KCNE1: variants seen among roughly 807,000 people sequenced by gnomAD.
The protein encoded by KCNE1 is potassium voltage-gated channel subfamily E member 1.
Under a neutral mutation model 2.9 loss-of-function variants are expected in KCNE1, and 1 was observed. The observed-to-expected ratio is 0.34, with a 90% CI of 0.12 to 1.62. The LOEUF is 1.62. Ranked by LOEUF, KCNE1 falls within the 40% of genes most tolerant of loss-of-function variation. The pLI, the probability that KCNE1 is intolerant of heterozygous loss-of-function variation, is 0.36. For missense variants in KCNE1, 45 were observed against 150.5 expected (o/e 0.30, Z 3.67); for synonymous variants, 23 against 65.4 (o/e 0.35, Z 3.13).
intron 2 of KCNE1, among the ~76,000 whole-genome samples, chr21:34,508,071 C>T (rs565057391): frequency 3.0e-4 from 45 of 151,866 alleles, no homozygotes; most frequent in Non-Finnish European, 4.3e-4. Context: ...CTGTGGTCCA[C>T]GCTGGAGTGC....
chr21:34,499,538 G>A (rs565765413), intron 2 of KCNE1, among the ~76,000 whole-genome samples: 131 of 152,364 alleles, frequency 8.6e-4, no homozygotes, highest in Middle Eastern at 3.4e-3. Context: ...AAGGACCCCT[G>A]TGAGATAGAG....
intron 2 of KCNE1, among the ~76,000 whole-genome samples, chr21:34,507,077 T>C (rs980967821): frequency 7.9e-5 from 12 of 152,228 alleles, no homozygotes; most frequent in African/African-American, 2.9e-4. Context: ...AGGCTGAGAC[T>C]GGTCTTCGAA....
intron 2 of KCNE1, among the ~76,000 whole-genome samples, chr21:34,497,924 A>G (rs1237652899): frequency 6.6e-6 from 1 of 151,974 alleles, no homozygotes; most frequent in East Asian, 1.9e-4. Context: ...TTCATTCAAA[A>G]GTCTTGCCTT....
At position 34,501,621 on chromosome 21, in the gene KCNE1, G is replaced by GT. The variant is rs41315457; in HGVS notation, c.-162+9479dup. 2.3e-3 allele frequency among the ~76,000 whole-genome samples: 348 copies of GT among 152,294 alleles called. 8 individuals are homozygous for GT. In the East Asian group the frequency reaches 0.032, roughly 14 times the overall value. On this transcript the variant is annotated intron_variant, in intron 2 of 3. Transcript: ENST00000399286. ...ATAGAGGTGGATGAGAAGGTTTATA[G>GT]TTTTTGGGTCCAAGAGGTGGTGGTT...
intron 2 of KCNE1, among the ~76,000 whole-genome samples, chr21:34,505,371 G>C (rs1983418182): frequency 6.6e-6 from 1 of 152,014 alleles, no homozygotes; most frequent in African/African-American, 2.4e-5. Flanking sequence ...CTGACCTCAG[G>C]TGATCCACTT....
rs115790929 is a variant in KCNE1, at chr21:34,499,627, T to C, written c.-162+11474A>G. On this transcript the variant is annotated intron_variant, in intron 2 of 3. Coordinates refer to ENST00000399286, the MANE Select transcript of KCNE1 (RefSeq NM_000219.6). ...CTTCCCACTGCTGCTTCTACTTTTA[T>C]AGAAAATATTTTGTACTAAATCCAT... Among the ~76,000 whole-genome samples, 1,067 of 152,344 alleles carry C rather than the reference T, an allele frequency of 7.0e-3. 8 individuals are homozygous for C. The highest frequency in any genetic ancestry group is 0.024 in the African/African-American group (991 of 41,570).
At chr21:34,505,414 C>T (rs74658406) in intron 2 of KCNE1, among the ~76,000 whole-genome samples, 6,945 of 151,586 alleles carry the variant, frequency 0.046, 183 homozygotes, top group South Asian at 0.061. Flanking sequence ...AGATTACAGG[C>T]GCGAGCCACC....
At chr21:34,496,934 ATTG>A (rs1464665133) in intron 2 of KCNE1, among the ~76,000 whole-genome samples, 2 of 151,950 alleles carry the variant, frequency 1.3e-5, no homozygotes, top group African/African-American at 4.8e-5. Context: ...GTCTTTTTAA[ATTG>A]TTGTTGTGTT....
At chr21:34,503,460 T>C (rs1233546078) in intron 2 of KCNE1, among the ~76,000 whole-genome samples, 1 of 152,150 alleles carries the variant, frequency 6.6e-6, no homozygotes, top group African/African-American at 2.4e-5. Flanking sequence ...AGCTTCATTA[T>C]ATAGGCATGA....
chr21:34,502,908 G>T (rs532993256), intron 2 of KCNE1, among the ~76,000 whole-genome samples: 1 of 152,170 alleles, frequency 6.6e-6, no homozygotes, highest in Non-Finnish European at 1.5e-5. Flanking sequence ...TAAGCCTACA[G>T]TGCTTTCCCT....
intron 2 of KCNE1, among the ~76,000 whole-genome samples, chr21:34,505,004 A>C (rs1039504712): frequency 1.3e-5 from 2 of 152,242 alleles, no homozygotes; most frequent in East Asian, 3.8e-4. Flanking sequence ...ATGGTTGCAC[A>C]TATCTGTGAA....
At chr21:34,503,162 T>C (rs1983268759) in intron 2 of KCNE1, among the ~76,000 whole-genome samples, 1 of 152,206 alleles carries the variant, frequency 6.6e-6, no homozygotes, top group East Asian at 1.9e-4. Context: ...ACCTGTGCCT[T>C]TGACCAACCA....
intron 2 of KCNE1, chr21:34,509,860 G>T (rs1461263220): frequency 6.6e-6 from 1 of 152,110 alleles, no homozygotes; most frequent in Non-Finnish European, 1.5e-5. Context: ...TCGTCACCCA[G>T]GTACTAAACC....
At chr21:34,496,560 G>A (rs1486858311) in intron 2 of KCNE1, among the ~76,000 whole-genome samples, 3 of 151,392 alleles carry the variant, frequency 2.0e-5, no homozygotes, top group Non-Finnish European at 4.4e-5. Context: ...AATTTATTGA[G>A]ATGTTTTTTG....
chr21:34,498,405 G>A (rs991073351), intron 2 of KCNE1, among the ~76,000 whole-genome samples: 4 of 152,234 alleles, frequency 2.6e-5, no homozygotes, highest in African/African-American at 7.2e-5. Context: ...CCTTGATGTG[G>A]TGCTCTCCCC....
At chr21:34,499,118 T>C (rs921644959) in intron 2 of KCNE1, among the ~76,000 whole-genome samples, 1 of 152,196 alleles carries the variant, frequency 6.6e-6, no homozygotes, top group African/African-American at 2.4e-5. Flanking sequence ...AATGGGGCTA[T>C]GTTCCAAGGG....
chr21:34,503,565 A>G (rs147017622), intron 2 of KCNE1, among the ~76,000 whole-genome samples: 61 of 152,216 alleles, frequency 4.0e-4, no homozygotes, highest in African/African-American at 1.5e-3. Flanking sequence ...CTAACCCTCT[A>G]ATCATGCCTT....
chr21:34,501,762 G>A (rs935943143), intron 2 of KCNE1, among the ~76,000 whole-genome samples: 4 of 152,304 alleles, frequency 2.6e-5, no homozygotes, highest in Non-Finnish European at 5.9e-5. Context: ...CCAGACACAA[G>A]AACCCAGCCC....
At chr21:34,503,899 G>A (rs1463854557) in intron 2 of KCNE1, among the ~76,000 whole-genome samples, 1 of 152,132 alleles carries the variant, frequency 6.6e-6, no homozygotes, top group Admixed American at 6.6e-5. Context: ...ATTTTTGGAG[G>A]CGCACCTCAC....
Sources: gnomAD v4.1 joint callset for allele counts (sites outside exome capture counted in the v4.1 genomes callset) on GRCh38, gnomAD v4.1.1 for gene constraint, MANE v1.5 for transcripts, NCBI Gene and HGNC (gene_info 2026-07-23, HGNC 2026-07-21) for gene names.